The following DAZAP1 variants were observed in gnomAD, a reference collection of about 807,000 sequenced individuals.
The protein encoded by DAZAP1 is DAZ-associated protein 1.
DAZAP1 carries 6 observed loss-of-function variants against 60.1 expected under a neutral mutation model. That is an observed-to-expected ratio of 0.10 (90% CI 0.05 to 0.20). The LOEUF (loss-of-function observed/expected upper bound fraction) is 0.20, where lower values mean the gene tolerates loss of function less well. Ranked by LOEUF, DAZAP1 falls within the 10% of genes least tolerant of loss-of-function variation. The pLI is 1.00. For synonymous variants in DAZAP1, 235 were observed against 215.9 expected (o/e 1.09, Z -0.78); for missense variants, 366 against 560.4 (o/e 0.65, Z 3.50).
rs1210935072 is a variant in DAZAP1, at chr19:1,423,082, C to T, written c.463+686C>T. ...GTTTTGGTTCATCAGCTGCTTTTGG[C>T]CGGCCACGTGAGCAGACCTGCAGCC... On this transcript the variant is annotated intron_variant, in intron 6 of 11. Coordinates refer to ENST00000233078, the MANE Select transcript of DAZAP1 (RefSeq NM_018959.4). This position sits in a 1 kb window ranked among gnomAD's most constrained non-coding sequence, Gnocchi z 6.8. Among the ~76,000 whole-genome samples, 1 of 149,158 alleles carries T rather than the reference C, an allele frequency of 6.7e-6. No individual in the cohort carries two copies. Among genetic ancestry groups the T allele is most frequent in the Non-Finnish European group, 1.5e-5 (1 of 67,862 alleles).
At chr19:1,409,524 G>C (rs1469781421) in intron 1 of DAZAP1, among the ~76,000 whole-genome samples, 1 of 152,230 alleles carries the variant, frequency 6.6e-6, no homozygotes, top group African/African-American at 2.4e-5. Flanking sequence ...GAGAACTGGA[G>C]TGCATGGACC....
chr19:1,417,695 A>G (rs999993285), intron 2 of DAZAP1, among the ~76,000 whole-genome samples, 155 bp downstream of exon 2: 4 of 152,058 alleles, frequency 2.6e-5, no homozygotes, highest in African/African-American at 2.4e-5. Flanking sequence ...GTAAGTGTGT[A>G]TTTGCTCTGA....
In DAZAP1 at chr19:1,432,419, C is replaced by A; in HGVS notation, c.872-95C>A. 7.3e-7 allele frequency: 1 copy of A among 1,363,088 alleles called. No individual in the cohort carries two copies. 84.4% of individuals were successfully genotyped at this position (1,363,088 alleles called of 1,614,324 possible). A position where few individuals can be genotyped will look rare whatever the true frequency, so the allele number is the denominator to read the frequency against. ...CTGTGGGTTTGGGTGGCAGTCCCGT[C>A]TGGGCAGCTCCTGCTGGGCTGGGTG... is the stretch of plus-strand genomic sequence containing the variant. On this transcript the variant is annotated intron_variant, in intron 10 of 11. Coordinates refer to ENST00000233078, the MANE Select transcript of DAZAP1 (RefSeq NM_018959.4). This position sits in a 1 kb window ranked among gnomAD's most constrained non-coding sequence, Gnocchi z 4.9.
Position 1,423,645 on chromosome 19 carries a change from C to T in DAZAP1, c.463+1249C>T, listed in dbSNP as rs996217786. 1.3e-5 allele frequency among the ~76,000 whole-genome samples: 2 copies of T among 152,246 alleles called. No homozygotes were observed. The highest frequency in any genetic ancestry group is 2.9e-5 in the Non-Finnish European group (2 of 68,044). On this transcript the variant is annotated intron_variant, in intron 6 of 11. Coordinates refer to ENST00000233078, the MANE Select transcript of DAZAP1 (RefSeq NM_018959.4). The surrounding 1 kb of genome is among the most constrained non-coding windows in gnomAD (Gnocchi z 6.8). ...TGCACTGTGCCCGGACCAGGCGAGC[C>T]CTGTGGTTTCAGACACTCCTGCAGT... is the stretch of plus-strand genomic sequence containing the variant.
In DAZAP1 at chr19:1,423,689, C is replaced by T. The variant is rs35113592; in HGVS notation, c.463+1293C>T. Among the ~76,000 whole-genome samples the T allele has an allele frequency of 1.4e-3, 216 of 152,384 alleles. No individual in the cohort carries two copies. Among genetic ancestry groups the T allele is most frequent in the Non-Finnish European group, 2.4e-3 (166 of 68,044 alleles). On this transcript the variant is annotated intron_variant, in intron 6 of 11. Coordinates refer to ENST00000233078, the MANE Select transcript of DAZAP1 (RefSeq NM_018959.4). This position sits in a 1 kb window ranked among gnomAD's most constrained non-coding sequence, Gnocchi z 6.8. ...CTGCAGTTTGCGAAAATGTCTACTT[C>T]TAAATACGTTGTTTCATCACCGATG...
At chr19:1,409,828 A>G (rs1356769577) in intron 1 of DAZAP1, 1 of 152,264 alleles carries the variant, frequency 6.6e-6, no homozygotes, top group Non-Finnish European at 1.5e-5. Context: ...TCAGGACGCC[A>G]TGGGTCTGCG....
chr19:1,428,737 T>C lies in DAZAP1; in HGVS notation c.547-105T>C. The stretch of plus-strand genomic sequence containing the variant: ...TTATAGTTAAGTATTTAGTCTTAAG[T>C]TGTAAGATGCTAAGTGTAGTCATAA... On this transcript the variant is annotated intron_variant, in intron 7 of 11. Coordinates refer to ENST00000233078, the MANE Select transcript of DAZAP1 (RefSeq NM_018959.4). The surrounding 1 kb of genome is among the most constrained non-coding windows in gnomAD (Gnocchi z 4.0). 7.4e-7 allele frequency: 1 copy of C among 1,348,184 alleles called. No individual in the cohort carries two copies. The highest frequency in any genetic ancestry group is 1.0e-6 in the Non-Finnish European group (1 of 975,966). The allele number at this position is 1,348,184 out of a possible 1,614,324, so 83.5% of individuals were successfully genotyped here. A position where few individuals can be genotyped will look rare whatever the true frequency, so the allele number is the denominator to read the frequency against.
chr19:1,433,466 C>T lies in DAZAP1; in HGVS notation c.1048+776C>T, dbSNP rs2083507790. 1 of 503,616 alleles carries T rather than the reference C, an allele frequency of 2.0e-6. No homozygotes were observed. Among genetic ancestry groups the T allele is most frequent in the African/African-American group, 1.9e-5 (1 of 51,368 alleles). The allele number at this position is 503,616 out of a possible 1,614,324, so 31.2% of individuals were successfully genotyped here. ...TCCGGGGTGCCTGTGAACACGCTTC[C>T]TCTAGGCCTGGTGGAGGCCGGGGTG... On this transcript the variant is annotated intron_variant, in intron 11 of 11. Transcript: ENST00000233078. This position sits in a 1 kb window ranked among gnomAD's most constrained non-coding sequence, Gnocchi z 6.1.
Position 1,428,740 on chromosome 19 carries a change from T to TA in DAZAP1, c.547-100dup. On this transcript the variant is annotated intron_variant, in intron 7 of 11. Transcript: ENST00000233078. The surrounding 1 kb of genome is among the most constrained non-coding windows in gnomAD (Gnocchi z 4.0). ...TAGTTAAGTATTTAGTCTTAAGTTG[T>TA]AAGATGCTAAGTGTAGTCATAAGTT... 9 of 1,369,944 alleles carry TA rather than the reference T, an allele frequency of 6.6e-6. No individual in the cohort carries two copies. The highest frequency in any genetic ancestry group is 1.3e-5 in the South Asian group (1 of 75,548). The allele number at this position is 1,369,944 out of a possible 1,614,324, so 84.9% of individuals were successfully genotyped here. A position where few individuals can be genotyped will look rare whatever the true frequency, so the allele number is the denominator to read the frequency against.
Position 1,418,739 on chromosome 19 carries a change from G to C in DAZAP1, c.303+8G>C. On this transcript the variant is annotated splice_region_variant and intron_variant, in intron 4 of 11. Transcript: ENST00000233078. The surrounding 1 kb of genome is among the most constrained non-coding windows in gnomAD (Gnocchi z 5.7). ...CGGCCGAAGGAAGGATGGGTAAGGG[G>C]CTGGGCCGGGCGGCCTCCTTGTGTG... 6.2e-7 allele frequency: 1 copy of C among 1,601,082 alleles called. No individual in the cohort carries two copies. Among genetic ancestry groups the C allele is most frequent in the Non-Finnish European group, 8.5e-7 (1 of 1,173,426 alleles).
At chr19:1,411,514 G>T (rs1381775671) in intron 1 of DAZAP1, among the ~76,000 whole-genome samples, 1 of 152,208 alleles carries the variant, frequency 6.6e-6, no homozygotes. Flanking sequence ...CTGTGAATGG[G>T]CCTTGAGGGT....
intron 10 of DAZAP1, among the ~76,000 whole-genome samples, chr19:1,431,761 G>T (rs2083458153): frequency 6.6e-6 from 1 of 152,180 alleles, no homozygotes; most frequent in Non-Finnish European, 1.5e-5. Context: ...GTCCTTTCTG[G>T]GAGCCTTGCG....
Position 1,433,978 on chromosome 19 carries a change from C to G in DAZAP1, c.1049-759C>G. The G allele has an allele frequency of 1.3e-5, 9 of 676,680 alleles. No individual in the cohort carries two copies. The highest frequency in any genetic ancestry group is 1.5e-5 in the Non-Finnish European group (6 of 399,452). The allele number at this position is 676,680 out of a possible 1,614,324, so 41.9% of individuals were successfully genotyped here. A position where few individuals can be genotyped will look rare whatever the true frequency, so the allele number is the denominator to read the frequency against. The stretch of plus-strand genomic sequence containing the variant: ...TGCCAAGACATTGGCCACAAGCCTT[C>G]AGCGGGCCCAGGATCCCCCAGAGAG... On this transcript the variant is annotated intron_variant, in intron 11 of 11. Coordinates refer to ENST00000233078, the MANE Select transcript of DAZAP1 (RefSeq NM_018959.4). This position sits in a 1 kb window ranked among gnomAD's most constrained non-coding sequence, Gnocchi z 6.1.
chr19:1,429,038 C>G, intron 8 of DAZAP1, 43 bp downstream of exon 8: 1 of 1,531,978 alleles, frequency 6.5e-7, no homozygotes, highest in Non-Finnish European at 8.8e-7. Flanking sequence ...TCCCCCTTCT[C>G]GGACTTGGCC....
Position 1,422,462 on chromosome 19 carries a change from A to C in DAZAP1, c.463+66A>C, listed in dbSNP as rs1600220198. On this transcript the variant is annotated intron_variant, in intron 6 of 11. Transcript: ENST00000233078. The surrounding 1 kb of genome is among the most constrained non-coding windows in gnomAD (Gnocchi z 4.5). Reference sequence around the variant, plus strand: ...CCTCCCTCAGATGGCAAACTATCTCACCCGCCAGGCACACACAGGTGGCGG... The same window carrying C: ...CCTCCCTCAGATGGCAAACTATCTCCCCCGCCAGGCACACACAGGTGGCGG... The C allele has an allele frequency of 7.1e-5, 105 of 1,482,688 alleles. No homozygotes were observed. The highest frequency in any genetic ancestry group is 9.0e-5 in the Non-Finnish European group (96 of 1,063,844). 91.8% of individuals were successfully genotyped at this position (1,482,688 alleles called of 1,614,324 possible). A position where few individuals can be genotyped will look rare whatever the true frequency, so the allele number is the denominator to read the frequency against.
At chr19:1,410,629 A>G (rs2082801231) in intron 1 of DAZAP1, among the ~76,000 whole-genome samples, 1 of 152,216 alleles carries the variant, frequency 6.6e-6, no homozygotes, top group South Asian at 2.1e-4. Flanking sequence ...CCTGTTGAGT[A>G]GCCGCTGGGT....
In DAZAP1 at chr19:1,428,847, A is replaced by G. The variant is rs771599586; in HGVS notation, c.552A>G (p.Glu184=). ...CCAGAGCTCGGTTTGTTTAGGTGGA[A>G]GTTAAACGAGCTGAGCCTCGGGACA... The part of the protein sequence containing the change: ...HFHDIMGKKV[E]VKRAEPRDSK... The change falls in exon 8 of 12, where the codon GAA becomes GAG. Residue 184 remains glutamate, a synonymous_variant. Transcript: ENST00000233078. This position sits in a 1 kb window ranked among gnomAD's most constrained non-coding sequence, Gnocchi z 4.0. 1 of 1,612,836 alleles carries G rather than the reference A, an allele frequency of 6.2e-7. No homozygotes were observed. Among genetic ancestry groups the G allele is most frequent in the South Asian group, 1.1e-5 (1 of 91,044 alleles).
rs1226280558 is a variant in DAZAP1 at position 1,416,788 on chromosome 19, C to G, written c.30-712C>G. On this transcript the variant is annotated intron_variant, in intron 1 of 11. Coordinates refer to ENST00000233078, the MANE Select transcript of DAZAP1 (RefSeq NM_018959.4). This position sits in a 1 kb window ranked among gnomAD's most constrained non-coding sequence, Gnocchi z 4.3. ...GCTCTTCTGCCCGGAGGAGACAGCC[C>G]CAGGACGGGGGTGGCGCGGGTCTTT... The G allele has an allele frequency of 6.6e-6, 1 of 152,652 alleles. No individual in the cohort carries two copies. The highest frequency in any genetic ancestry group is 1.5e-5 in the Non-Finnish European group (1 of 68,388). The allele number at this position is 152,652 out of a possible 1,614,324, so 9.5% of individuals were successfully genotyped here. A position where few individuals can be genotyped will look rare whatever the true frequency, so the allele number is the denominator to read the frequency against.
At position 1,414,172 on chromosome 19, in the gene DAZAP1, C is replaced by T. The variant is rs147401778; in HGVS notation, c.30-3328C>T. 8.0e-4 allele frequency among the ~76,000 whole-genome samples: 122 copies of T among 152,022 alleles called. 1 individual carries two copies. The highest frequency in any genetic ancestry group is 2.8e-3 in the African/African-American group (115 of 41,500). On this transcript the variant is annotated intron_variant, in intron 1 of 11. Coordinates refer to ENST00000233078, the MANE Select transcript of DAZAP1 (RefSeq NM_018959.4). Reference sequence around the variant, plus strand: ...GGCTAGGATTACAGGTGCGCACCACCGAGCCCAGCTAATTTTTGTATTTTT... The same window carrying T: ...GGCTAGGATTACAGGTGCGCACCACTGAGCCCAGCTAATTTTTGTATTTTT...
Sources: allele counts gnomAD v4.1 joint callset (sites outside exome capture counted in the v4.1 genomes callset), GRCh38; gene constraint gnomAD v4.1.1; non-coding constraint Gnocchi (gnomAD v3.1); transcripts MANE v1.5; gene names NCBI Gene and HGNC (gene_info 2026-07-23, HGNC 2026-07-21).